The following PTBP2 variants were observed in gnomAD, a reference collection of about 807,000 sequenced individuals.
PTBP2 encodes polypyrimidine tract binding protein 2.
PTBP2 carries 13 observed loss-of-function variants against 61.4 expected under a neutral mutation model. The observed-to-expected ratio is 0.21, with a 90% CI of 0.14 to 0.34. The LOEUF (loss-of-function observed/expected upper bound fraction) is 0.34, where lower values mean the gene tolerates loss of function less well. PTBP2 is among the 10% of genes least tolerant of loss of function. PTBP2 has a pLI of 1.00. For missense variants in PTBP2, 405 were observed against 642.6 expected (o/e 0.63, Z 4.00); for synonymous variants, 215 against 218.5 (o/e 0.98, Z 0.14).
chr1:96,727,423 A>G (rs1476649775), intron 2 of PTBP2, among the ~76,000 whole-genome samples: 1 of 152,158 alleles, frequency 6.6e-6, no homozygotes, highest in Non-Finnish European at 1.5e-5. Context: ...CTATGATTGG[A>G]AAGTCTGGAT....
chr1:96,776,358 AAAT>A (rs774592170), intron 5 of PTBP2, among the ~76,000 whole-genome samples: 30 of 144,102 alleles, frequency 2.1e-4, no homozygotes, highest in Non-Finnish European at 3.1e-4. Context: ...ATGTCTACTA[AAAT>A]AATCTATCAC....
chr1:96,805,449 T>G (rs1661408732), intron 9 of PTBP2, among the ~76,000 whole-genome samples: 1 of 152,172 alleles, frequency 6.6e-6, no homozygotes, highest in Admixed American at 6.5e-5. Context: ...TAATTTTTTC[T>G]TTGCAGTTAT....
At chr1:96,793,735 G>C (rs915559884) in intron 8 of PTBP2, among the ~76,000 whole-genome samples, 1 of 152,128 alleles carries the variant, frequency 6.6e-6, no homozygotes, top group African/African-American at 2.4e-5. Flanking sequence ...ATTTGAAGCT[G>C]TGTCTTTTAG....
intron 3 of PTBP2, among the ~76,000 whole-genome samples, chr1:96,763,005 A>G (rs939116017): frequency 1.5e-4 from 23 of 149,324 alleles, no homozygotes; most frequent in African/African-American, 5.7e-4. Flanking sequence ...GACGCTCCTC[A>G]CTTCCTAGAT....
At chr1:96,758,528 T>C (rs1655419143) in intron 3 of PTBP2, among the ~76,000 whole-genome samples, 1 of 152,038 alleles carries the variant, frequency 6.6e-6, no homozygotes, top group Non-Finnish European at 1.5e-5. Flanking sequence ...TCCGGTAGAA[T>C]ATGAGAGACA....
At chr1:96,816,967 A>G (rs1235851393), downstream of PTBP2, 1 of 152,166 alleles carries the variant, frequency 6.6e-6, no homozygotes, top group Non-Finnish European at 1.5e-5. Context: ...AAGAAATACT[A>G]ATGTTTTAAA....
At chr1:96,784,243 C>A (rs1570936504) in intron 7 of PTBP2, among the ~76,000 whole-genome samples, 1 of 151,910 alleles carries the variant, frequency 6.6e-6, no homozygotes, top group African/African-American at 2.4e-5. Flanking sequence ...TAACATAGTC[C>A]TTTATAATTC....
At chr1:96,781,082 A>G (rs747399358) in intron 7 of PTBP2, among the ~76,000 whole-genome samples, 2 of 152,052 alleles carry the variant, frequency 1.3e-5, no homozygotes, top group South Asian at 2.1e-4. Flanking sequence ...GCATACTTCT[A>G]GCAACAGTAT....
In PTBP2 at chr1:96,777,596, A is replaced by G. The variant is rs1658184657; in HGVS notation, c.444A>G (p.Ala148=). The change falls in exon 6 of 14, where the codon GCA becomes GCG. Residue 148 remains alanine, a synonymous_variant. Coordinates refer to ENST00000674951, the MANE Select transcript of PTBP2 (RefSeq NM_021190.4). ...ATCTTAATTTCCAGCGTGCTCAGGCAGTTCTTCAAGCTGTGACAGCTGTCC... is the reference window on the plus strand; with the variant it reads ...ATCTTAATTTCCAGCGTGCTCAGGCGGTTCTTCAAGCTGTGACAGCTGTCC... ...TDNTLNQRAQ[A]VLQAVTAVQT... 2 of 1,607,148 alleles carry G rather than the reference A, an allele frequency of 1.2e-6. No homozygotes were observed. The highest frequency in any genetic ancestry group is 1.3e-5 in the African/African-American group (1 of 74,526).
chr1:96,796,801 A>T (rs931248841), intron 8 of PTBP2, among the ~76,000 whole-genome samples: 1 of 152,144 alleles, frequency 6.6e-6, no homozygotes, highest in Admixed American at 6.5e-5. Flanking sequence ...AAGGGAGAAT[A>T]GAAAGGGGGT....
rs776782329 is a variant in PTBP2, at chr1:96,723,557, T to G, written c.9-7T>G. The G allele has an allele frequency of 1.1e-5, 17 of 1,565,358 alleles. No individual in the cohort carries two copies. Among genetic ancestry groups the G allele is most frequent in the Non-Finnish European group, 1.5e-5 (17 of 1,146,324 alleles). On this transcript the variant is annotated splice_region_variant and splice_polypyrimidine_tract_variant and intron_variant, in intron 1 of 13. Transcript: ENST00000674951. The stretch of plus-strand genomic sequence containing the variant: ...GGAGGTTGAAACTACTTATTTTTTC[T>G]TTGCAGAATCGTCACTGAGGTTGCA...
downstream of PTBP2, chr1:96,819,728 G>A (rs1662617028): frequency 6.7e-6 from 1 of 150,024 alleles, no homozygotes; most frequent in African/African-American, 2.4e-5. Flanking sequence ...CCAGTTTTGT[G>A]TTGTTTTGCT....
intron 2 of PTBP2, among the ~76,000 whole-genome samples, chr1:96,746,600 C>CTG (rs1241759174): frequency 6.7e-6 from 1 of 149,396 alleles, no homozygotes; most frequent in African/African-American, 2.5e-5. Context: ...TTTTGGGAGG[C>CTG]TGAAGGAGGA....
chr1:96,782,438 C>A (rs536699022), intron 7 of PTBP2, among the ~76,000 whole-genome samples: 2 of 152,068 alleles, frequency 1.3e-5, no homozygotes, highest in South Asian at 2.1e-4. Context: ...TTGCTAATTT[C>A]TTGGGCAAAG....
chr1:96,819,483 CTG>C (rs1270466949), downstream of PTBP2: 6 of 152,090 alleles, frequency 3.9e-5, no homozygotes, highest in Non-Finnish European at 7.4e-5. Flanking sequence ...TCACTTAACA[CTG>C]TTTATTTCTC....
intron 3 of PTBP2, among the ~76,000 whole-genome samples, chr1:96,762,821 A>G (rs866055801): frequency 6.6e-4 from 98 of 148,458 alleles, no homozygotes; most frequent in African/African-American, 2.3e-3. Context: ...CACTTCTCAG[A>G]TGGGGCGGCT....
intron 11 of PTBP2, among the ~76,000 whole-genome samples, chr1:96,811,655 A>T (rs1477565405): frequency 1.3e-5 from 2 of 152,218 alleles, no homozygotes; most frequent in East Asian, 3.9e-4. Flanking sequence ...AGACCTTGTG[A>T]TCCGCCCACC....
At chr1:96,767,795 C>T (rs532426052) in intron 3 of PTBP2, among the ~76,000 whole-genome samples, 4 of 152,032 alleles carry the variant, frequency 2.6e-5, no homozygotes, top group Non-Finnish European at 4.4e-5. Context: ...AATTCAGGTG[C>T]CCTGTGCGCA....
intron 11 of PTBP2, among the ~76,000 whole-genome samples, chr1:96,810,458 GATCCTATTGTCAGCA>G (rs987469223): frequency 1.3e-5 from 2 of 152,028 alleles, no homozygotes; most frequent in Non-Finnish European, 2.9e-5. Context: ...GATCACTTCA[GATCCTATTGTCAGCA>G]ATCAGCTGGC....
Sources: allele counts gnomAD v4.1 joint callset (sites outside exome capture counted in the v4.1 genomes callset), GRCh38; gene constraint gnomAD v4.1.1; transcripts MANE v1.5; gene names NCBI Gene and HGNC (gene_info 2026-07-23, HGNC 2026-07-21).